The following SDK1 variants were observed in gnomAD, a reference collection of about 807,000 sequenced individuals.
The protein encoded by SDK1 is protein sidekick-1.
In SDK1, 157 loss-of-function variants were observed where a neutral mutation model predicts 245.5. The ratio of observed to expected loss-of-function variants is 0.64; its 90% CI spans 0.56 to 0.73. The LOEUF (loss-of-function observed/expected upper bound fraction) is 0.73, where lower values mean the gene tolerates loss of function less well. Among genes scored for constraint, SDK1 ranks in the 30% least tolerant of loss-of-function variants. SDK1 has a pLI of 0.00. For synonymous variants in SDK1, 1,647 were observed against 1,278.5 expected, an observed-to-expected ratio of 1.29 and a Z score of -6.15; for missense variants, 3,583 against 3,002.3, an observed-to-expected ratio of 1.19 and a Z score of -4.52.
chr7:3,357,328 G>GTTTTGTTTTT (rs1780827670), intron 1 of SDK1, among the ~76,000 whole-genome samples: 1 of 52,946 alleles, frequency 1.9e-5, no homozygotes, highest in Non-Finnish European at 3.5e-5. Context: ...TTCTTTTAGT[G>GTTTTGTTTTT]TTTTTTTTTT....
At chr7:3,395,361 G>A (rs973595295) in intron 1 of SDK1, among the ~76,000 whole-genome samples, 1 of 151,664 alleles carries the variant, frequency 6.6e-6, no homozygotes, top group South Asian at 2.1e-4. Flanking sequence ...TGTTGAATTT[G>A]GTTCACTAAT....
intron 1 of SDK1, among the ~76,000 whole-genome samples, chr7:3,441,601 G>A (rs147841281): frequency 6.6e-6 from 1 of 152,206 alleles, no homozygotes; most frequent in Non-Finnish European, 1.5e-5. Flanking sequence ...TATTTTGATT[G>A]CTGTCACTTC....
intron 4 of SDK1, among the ~76,000 whole-genome samples, chr7:3,750,652 C>G (rs985407528): frequency 6.6e-6 from 1 of 152,240 alleles, no homozygotes; most frequent in Admixed American, 6.5e-5. Context: ...AGCGCTCTGA[C>G]TGAACTGATT....
chr7:3,353,587 TCTGTAA>T (rs1406839450), intron 1 of SDK1, among the ~76,000 whole-genome samples: 20 of 152,328 alleles, frequency 1.3e-4, no homozygotes, highest in Admixed American at 9.8e-4. Flanking sequence ...CTGTAACAGT[TCTGTAA>T]CTGTAACTTA....
At chr7:3,866,247 T>G (rs989805729) in intron 5 of SDK1, among the ~76,000 whole-genome samples, 6 of 152,214 alleles carry the variant, frequency 3.9e-5, no homozygotes, top group Admixed American at 1.3e-4. Flanking sequence ...CAATAAATAC[T>G]GATTGTGCAT....
At chr7:4,192,215 C>T (rs570058989) in intron 35 of SDK1, among the ~76,000 whole-genome samples, 34 of 152,282 alleles carry the variant, frequency 2.2e-4, no homozygotes, top group Admixed American at 2.1e-3. Context: ...TGCCATTTTC[C>T]CAACAGCACG....
At chr7:3,822,403 T>A (rs1188641509) in intron 5 of SDK1, among the ~76,000 whole-genome samples, 1 of 152,190 alleles carries the variant, frequency 6.6e-6, no homozygotes, top group African/African-American at 2.4e-5. Flanking sequence ...TTATATTGAT[T>A]TGTTTGTATA....
chr7:4,090,251 A>G (rs563366855), intron 22 of SDK1, among the ~76,000 whole-genome samples: 13 of 152,330 alleles, frequency 8.5e-5, no homozygotes, highest in Admixed American at 2.6e-4. Flanking sequence ...GAGATTCTTT[A>G]AAAACCTCAT....
chr7:3,698,940 A>G (rs1321443324), intron 4 of SDK1, among the ~76,000 whole-genome samples: 3 of 152,168 alleles, frequency 2.0e-5, no homozygotes, highest in Non-Finnish European at 4.4e-5. Context: ...AGTCTATAAT[A>G]ACCTCCTACC....
chr7:3,393,920 C>T (rs1781825975), intron 1 of SDK1, among the ~76,000 whole-genome samples: 1 of 152,088 alleles, frequency 6.6e-6, no homozygotes, highest in African/African-American at 2.4e-5. Context: ...AGTATCTGAG[C>T]TTTAAAGAGT....
chr7:3,686,789 T>C (rs995961073), intron 4 of SDK1, among the ~76,000 whole-genome samples: 1 of 152,156 alleles, frequency 6.6e-6, no homozygotes, highest in African/African-American at 2.4e-5. Context: ...TCAGCTTATG[T>C]ATGGAAAGCA....
At chr7:3,614,397 A>T (rs1257480895) in intron 1 of SDK1, among the ~76,000 whole-genome samples, 1 of 152,184 alleles carries the variant, frequency 6.6e-6, no homozygotes, top group Non-Finnish European at 1.5e-5. Flanking sequence ...GTCTATTATT[A>T]TTTGAAATAC....
chr7:3,486,900 T>C lies in SDK1; in HGVS notation c.299-132180T>C, dbSNP rs554820873. Among the ~76,000 whole-genome samples, 5 of 152,350 alleles carry C rather than the reference T, an allele frequency of 3.3e-5. No homozygotes were observed. The South Asian group carries it at 1.0e-3, about 32-fold the overall frequency. On this transcript the variant is annotated intron_variant, in intron 1 of 44. Coordinates refer to ENST00000404826, the MANE Select transcript of SDK1 (RefSeq NM_152744.4). ...CTTAACTGTCTTATTCTCTACCAGT[T>C]TATCTTATATAAATATTAAAACTAT... is the stretch of plus-strand genomic sequence containing the variant.
At position 3,673,672 on chromosome 7, in the gene SDK1, G is replaced by A. The variant is rs541234332; in HGVS notation, c.713+31567G>A. Among the ~76,000 whole-genome samples the A allele has an allele frequency of 2.8e-3, 433 of 152,244 alleles. 3 individuals carry two copies. The highest frequency in any genetic ancestry group is 0.016 in the South Asian group (78 of 4,818). ...GCATTAGGTAGTTTCGTCTTGCTCTGCAAAGACAAAAGCTCAGTCATTGAC... is the reference window on the plus strand; with the variant it reads ...GCATTAGGTAGTTTCGTCTTGCTCTACAAAGACAAAAGCTCAGTCATTGAC... On this transcript the variant is annotated intron_variant, in intron 4 of 44. Transcript: ENST00000404826.
intron 1 of SDK1, among the ~76,000 whole-genome samples, chr7:3,610,607 T>A (rs1044909982): frequency 6.6e-6 from 1 of 152,242 alleles, no homozygotes; most frequent in Non-Finnish European, 1.5e-5. Flanking sequence ...AACTAGTACA[T>A]AAATATAGCC....
chr7:3,691,235 C>G (rs751726521), intron 4 of SDK1, among the ~76,000 whole-genome samples: 1 of 152,076 alleles, frequency 6.6e-6, no homozygotes, highest in Non-Finnish European at 1.5e-5. Flanking sequence ...TAAAAAGGCT[C>G]CAATTTTCTT....
At position 4,125,343 on chromosome 7, in the gene SDK1, AGATG is replaced by A. The variant is rs140627879; in HGVS notation, c.3824-2017_3824-2014del. ...TGGGTGAATGGATGGATGAATGAAT[AGATG>A]GATGGATGGATGGATGGATGAATGG... On this transcript the variant is annotated intron_variant, in intron 25 of 44. Coordinates refer to ENST00000404826, the MANE Select transcript of SDK1 (RefSeq NM_152744.4). 9.5e-3 allele frequency among the ~76,000 whole-genome samples: 1,246 copies of A among 131,588 alleles called. 10 individuals carry two copies. The highest frequency in any genetic ancestry group is 0.027 in the African/African-American group (957 of 35,784). The allele number at this position is 131,588 out of a possible 152,430, so 86.3% of individuals were successfully genotyped here.
At chr7:3,575,710 A>C (rs574571502) in intron 1 of SDK1, among the ~76,000 whole-genome samples, 1 of 152,196 alleles carries the variant, frequency 6.6e-6, no homozygotes, top group South Asian at 2.1e-4. Context: ...TATAAAGAGC[A>C]TTCAAACTCT....
chr7:3,459,511 T>G (rs1190050522), intron 1 of SDK1, among the ~76,000 whole-genome samples: 1 of 152,206 alleles, frequency 6.6e-6, no homozygotes, highest in East Asian at 1.9e-4. Flanking sequence ...TAATTTTTGT[T>G]CTGTGCTTTT....
Sources: allele counts gnomAD v4.1 joint callset (sites outside exome capture counted in the v4.1 genomes callset), GRCh38; gene constraint gnomAD v4.1.1; transcripts MANE v1.5; gene names NCBI Gene and HGNC (gene_info 2026-07-23, HGNC 2026-07-21).